C11orf65: variants seen among roughly 807,000 people sequenced by gnomAD.
The protein encoded by C11orf65 is chromosome 11 open reading frame 65.
C11orf65 carries 38 observed loss-of-function variants against 35.3 expected under a neutral mutation model. That is an observed-to-expected ratio of 1.08 (90% CI 0.83 to 1.41). The LOEUF (loss-of-function observed/expected upper bound fraction) is 1.41. Ranked by LOEUF, C11orf65 falls within the 40% of genes most tolerant of loss-of-function variation. C11orf65 has a pLI of 0.00. For missense variants in C11orf65, 370 were observed against 367.1 expected (o/e 1.01, Z -0.06); for synonymous variants, 105 against 114.4 (o/e 0.92, Z 0.53).
chr11:108,452,238 A>T (rs1259180363), intron 2 of C11orf65, among the ~76,000 whole-genome samples: 1 of 152,144 alleles, frequency 6.6e-6, no homozygotes, highest in African/African-American at 2.4e-5. Flanking sequence ...ATGGGAGAAA[A>T]TTTTTCCAAT....
At chr11:108,445,173 T>C (rs1420023058) in intron 2 of C11orf65, among the ~76,000 whole-genome samples, 1 of 152,186 alleles carries the variant, frequency 6.6e-6, no homozygotes, top group Non-Finnish European at 1.5e-5. Flanking sequence ...GCTCCACCTC[T>C]GGGGGAAGGG....
chr11:108,327,561 C>T (rs2085795315), downstream of C11orf65: 4 of 1,143,334 alleles, frequency 3.5e-6, no homozygotes, highest in South Asian at 4.0e-5. Flanking sequence ...CATTTTTAAC[C>T]TGCTTTTTTC....
At chr11:108,463,400 T>C (rs10890844) in intron 1 of C11orf65, among the ~76,000 whole-genome samples, 32,059 of 152,094 alleles carry the variant, frequency 0.21, 4,126 homozygotes, top group African/African-American at 0.36. Context: ...ATTTGGTAAA[T>C]TGTTGTTTTT....
At chr11:108,430,776 T>C (rs2092975717) in intron 3 of C11orf65, among the ~76,000 whole-genome samples, 2 of 147,432 alleles carry the variant, frequency 1.4e-5, no homozygotes, top group Admixed American at 6.8e-5. Flanking sequence ...GTCCAGGAGG[T>C]TAACGCTGCA....
At chr11:108,384,819 C>T (rs1456552762) in intron 8 of C11orf65, among the ~76,000 whole-genome samples, 1 of 152,070 alleles carries the variant, frequency 6.6e-6, no homozygotes, top group African/African-American at 2.4e-5. Flanking sequence ...CTCCACAATC[C>T]TAACCTCTTT....
chr11:108,320,140 T>C (rs573869828), intron 6 of C11orf65: 11 of 1,078,630 alleles, frequency 1.0e-5, no homozygotes, highest in African/African-American at 1.6e-5. Context: ...ACAATTTTAA[T>C]GTAAGGATTT....
At chr11:108,380,818 T>G (rs1331802852), downstream of C11orf65, among the ~76,000 whole-genome samples, 2 of 152,242 alleles carry the variant, frequency 1.3e-5, no homozygotes, top group Non-Finnish European at 2.9e-5. Flanking sequence ...CAGGGATTAC[T>G]ACTTGGTCCA....
At chr11:108,460,696 G>T (rs138350741) in intron 2 of C11orf65, among the ~76,000 whole-genome samples, 105 of 152,180 alleles carry the variant, frequency 6.9e-4, no homozygotes, top group Admixed American at 1.9e-3. Context: ...TGAAATAATT[G>T]TAACTTTTTG....
At chr11:108,325,109 A>G (rs2085514838) in intron 6 of C11orf65, among the ~76,000 whole-genome samples, 1 of 152,168 alleles carries the variant, frequency 6.6e-6, no homozygotes, top group Non-Finnish European at 1.5e-5. Context: ...AATAACTCTT[A>G]AGAGCTCTGA....
chr11:108,447,987 C>G (rs1362208532), intron 2 of C11orf65, among the ~76,000 whole-genome samples: 6 of 152,174 alleles, frequency 3.9e-5, no homozygotes, highest in African/African-American at 1.2e-4. Context: ...AAACTACCAT[C>G]AGAGAATACT....
downstream of C11orf65, among the ~76,000 whole-genome samples, chr11:108,378,049 A>T (rs1054175784): frequency 6.6e-6 from 1 of 151,346 alleles, no homozygotes; most frequent in African/African-American, 2.4e-5. Context: ...GAAAATGGCC[A>T]TACTGCCCAA....
rs1555119149 is a variant in C11orf65, at chr11:108,325,436, C to T, written c.641-16365G>A. Reference sequence around the variant, plus strand: ...CTCTACGCACAGTCATTTTGGAGATCCTGATGGAAAAGGAAATGGACAACT... The same window carrying T: ...CTCTACGCACAGTCATTTTGGAGATTCTGATGGAAAAGGAAATGGACAACT... On this transcript the variant is annotated intron_variant, in intron 6 of 6. Coordinates refer to the C11orf65 transcript ENST00000525729. The T allele has an allele frequency of 6.2e-7, 1 of 1,613,522 alleles. No individual in the cohort carries two copies. The highest frequency in any genetic ancestry group is 8.5e-7 in the Non-Finnish European group (1 of 1,179,790).
intron 6 of C11orf65, chr11:108,317,227 C>T (rs1192443062): frequency 3.9e-6 from 3 of 777,554 alleles, no homozygotes; most frequent in East Asian, 3.2e-5. Context: ...GCATGAGCCA[C>T]CACACCCAGC....
At chr11:108,328,840 C>T (rs2085953421), downstream of C11orf65, among the ~76,000 whole-genome samples, 1 of 152,172 alleles carries the variant, frequency 6.6e-6, no homozygotes, top group South Asian at 2.1e-4. Context: ...CATTCAAAGC[C>T]GTCCTGGGCC....
chr11:108,354,810 G>C lies in C11orf65; in HGVS notation c.227-19518C>G, dbSNP rs1591313869. ...CGTATTTATAATGTGTTTGACTCTA[G>C]ATGCTGTGAGAAAACCATGGAAGTG... On this transcript the variant is annotated intron_variant, in intron 2 of 3. Coordinates refer to the C11orf65 transcript ENST00000524755. 1 of 1,613,128 alleles carries C rather than the reference G, an allele frequency of 6.2e-7. No individual in the cohort carries two copies. Among genetic ancestry groups the C allele is most frequent in the Non-Finnish European group, 8.5e-7 (1 of 1,179,110 alleles).
chr11:108,361,979 A>C (rs1179140147), intron 2 of C11orf65, among the ~76,000 whole-genome samples: 2 of 134,948 alleles, frequency 1.5e-5, no homozygotes, highest in Non-Finnish European at 1.6e-5. Context: ...GCTTCTGCAC[A>C]GCAAAAGAAA....
At chr11:108,326,414 A>C (rs2085691443), downstream of C11orf65, among the ~76,000 whole-genome samples, 1 of 152,226 alleles carries the variant, frequency 6.6e-6, no homozygotes, top group Admixed American at 6.5e-5. Context: ...TATATATCAC[A>C]ATTCTATCAG....
chr11:108,417,934 C>A (rs1202921059), intron 3 of C11orf65, among the ~76,000 whole-genome samples: 1 of 145,108 alleles, frequency 6.9e-6, no homozygotes, highest in East Asian at 2.1e-4. Context: ...AAAGGAAACA[C>A]AATATTACTG....
At chr11:108,420,100 T>C (rs996505005) in intron 3 of C11orf65, among the ~76,000 whole-genome samples, 2 of 145,774 alleles carry the variant, frequency 1.4e-5, no homozygotes, top group Admixed American at 7.1e-5. Flanking sequence ...TTCTACATAA[T>C]AGCATCAAAA....
Sources: gnomAD v4.1 joint callset for allele counts (sites outside exome capture counted in the v4.1 genomes callset) on GRCh38, gnomAD v4.1.1 for gene constraint, MANE v1.5 for transcripts, NCBI Gene and HGNC (gene_info 2026-07-23, HGNC 2026-07-21) for gene names.